The following ROBO1 variants were observed in gnomAD, a reference collection of about 807,000 sequenced individuals.
ROBO1 encodes the protein roundabout guidance receptor 1.
A neutral mutation model predicts 195.9 loss-of-function variants in ROBO1; 149 were observed. That is an observed-to-expected ratio of 0.76 (90% confidence interval 0.67 to 0.87). ROBO1 has a LOEUF of 0.87. Ranked by LOEUF, ROBO1 falls within the 40% of genes least tolerant of loss-of-function variation. ROBO1 has a pLI of 0.00. For missense variants in ROBO1, 1,933 were observed against 2,068.3 expected (o/e 0.93, Z 1.27); for synonymous variants, 816 against 733.2 (o/e 1.11, Z -1.82).
At chr3:79,554,664 A>G (rs1942636554) in intron 2 of ROBO1, among the ~76,000 whole-genome samples, 1 of 152,132 alleles carries the variant, frequency 6.6e-6, no homozygotes, top group Non-Finnish European at 1.5e-5. Flanking sequence ...ATGACAAAGT[A>G]GGGAGACTCC....
intron 1 of ROBO1, among the ~76,000 whole-genome samples, chr3:79,665,182 A>G (rs1008635620): frequency 2.6e-5 from 4 of 151,964 alleles, no homozygotes; most frequent in East Asian, 1.9e-4. Flanking sequence ...GATATTTTAC[A>G]TATTTTTGAA....
intron 3 of ROBO1, among the ~76,000 whole-genome samples, chr3:79,108,880 A>G (rs1234433681): frequency 6.6e-6 from 1 of 151,972 alleles, no homozygotes; most frequent in Non-Finnish European, 1.5e-5. Context: ...TTGCATTTGA[A>G]AAGAAATAAT....
At chr3:79,255,289 G>A (rs965636153) in intron 2 of ROBO1, among the ~76,000 whole-genome samples, 3 of 152,146 alleles carry the variant, frequency 2.0e-5, no homozygotes, top group African/African-American at 7.2e-5. Flanking sequence ...CCAGGAGTTT[G>A]AACTGAAATG....
chr3:79,326,937 G>A (rs1422943043), intron 2 of ROBO1, among the ~76,000 whole-genome samples: 1 of 152,084 alleles, frequency 6.6e-6, no homozygotes, highest in Non-Finnish European at 1.5e-5. Flanking sequence ...TCAAATTCAA[G>A]CTCTGTAATT....
intron 21 of ROBO1, among the ~76,000 whole-genome samples, chr3:78,641,839 G>C (rs1473981513): frequency 6.6e-6 from 1 of 152,180 alleles, no homozygotes; most frequent in Non-Finnish European, 1.5e-5. Flanking sequence ...TAGGCTGAGA[G>C]ACCTTTTCAT....
At chr3:79,115,045 A>G (rs1205064524) in intron 3 of ROBO1, among the ~76,000 whole-genome samples, 1 of 152,202 alleles carries the variant, frequency 6.6e-6, no homozygotes, top group Non-Finnish European at 1.5e-5. Context: ...TCTTCCTTTG[A>G]AATCCATCTT....
At chr3:79,068,255 C>T (rs1009832814) in intron 3 of ROBO1, among the ~76,000 whole-genome samples, 4 of 151,758 alleles carry the variant, frequency 2.6e-5, no homozygotes, top group Admixed American at 1.3e-4. Context: ...GATTCCTCTC[C>T]CCAAACCCTC....
chr3:79,401,098 TAGTTTAAA>T (rs1227321731), intron 2 of ROBO1, among the ~76,000 whole-genome samples: 1 of 151,846 alleles, frequency 6.6e-6, no homozygotes, highest in Non-Finnish European at 1.5e-5. Context: ...ATTGGGTTAT[TAGTTTAAA>T]AGTTGGCCAT....
At chr3:79,163,532 G>A (rs992703759) in intron 2 of ROBO1, among the ~76,000 whole-genome samples, 1 of 151,926 alleles carries the variant, frequency 6.6e-6, no homozygotes, top group African/African-American at 2.4e-5. Context: ...CTATTCTTTT[G>A]GGTCTATACC....
At chr3:78,804,870 T>C (rs1163470930) in intron 4 of ROBO1, among the ~76,000 whole-genome samples, 5 of 152,086 alleles carry the variant, frequency 3.3e-5, no homozygotes, top group African/African-American at 1.2e-4. Context: ...CCAGTGTCTA[T>C]TGGTTGGGTT....
At chr3:79,003,172 T>C (rs552531910) in intron 3 of ROBO1, among the ~76,000 whole-genome samples, 2 of 152,296 alleles carry the variant, frequency 1.3e-5, no homozygotes, top group South Asian at 2.1e-4. Flanking sequence ...TTTGCTGGGA[T>C]AGAAATGGCC....
At chr3:79,053,171 C>T (rs188410998) in intron 3 of ROBO1, among the ~76,000 whole-genome samples, 1 of 152,036 alleles carries the variant, frequency 6.6e-6, no homozygotes, top group African/African-American at 2.4e-5. Flanking sequence ...TAATGACATA[C>T]CAATCCCATG....
At chr3:78,786,443 ATTAT>A (rs2108505027) in intron 4 of ROBO1, among the ~76,000 whole-genome samples, 1 of 152,242 alleles carries the variant, frequency 6.6e-6, no homozygotes, top group Admixed American at 6.5e-5. Flanking sequence ...ATTTCAGATT[ATTAT>A]TTTATTTAAT....
chr3:79,580,525 TAAATA>T (rs1576063070), intron 2 of ROBO1, among the ~76,000 whole-genome samples: 2 of 151,706 alleles, frequency 1.3e-5, no homozygotes, highest in African/African-American at 4.8e-5. Flanking sequence ...ATAAATAAAA[TAAATA>T]AAATAATCAT....
In ROBO1 at chr3:79,165,703, C is replaced by T. The variant is rs377149476; in HGVS notation, c.89-40164G>A. Among the ~76,000 whole-genome samples the T allele has an allele frequency of 3.9e-4, 59 of 152,248 alleles. 1 individual carries two copies. In the East Asian group the frequency reaches 6.9e-3, roughly 18 times the overall value. Reference sequence around the variant, plus strand: ...CAGAATTTGGGTATCTATAATGGCACGATGTGCACCAGACCAGATACACAT... The same window carrying T: ...CAGAATTTGGGTATCTATAATGGCATGATGTGCACCAGACCAGATACACAT... On this transcript the variant is annotated intron_variant, in intron 2 of 30. Transcript: ENST00000464233.
At chr3:79,766,072 C>T (rs956128496) in intron 1 of ROBO1, among the ~76,000 whole-genome samples, 8 of 148,850 alleles carry the variant, frequency 5.4e-5, no homozygotes, top group Non-Finnish European at 1.2e-4. Flanking sequence ...GTGAAATGAG[C>T]CTCCTGCCCT....
At chr3:78,760,277 A>T (rs958285281) in intron 4 of ROBO1, among the ~76,000 whole-genome samples, 9 of 152,218 alleles carry the variant, frequency 5.9e-5, no homozygotes, top group Non-Finnish European at 1.2e-4. Context: ...GCATAAAACC[A>T]GACGAATACA....
chr3:78,614,060 G>A (rs1285163858), intron 28 of ROBO1, among the ~76,000 whole-genome samples: 1 of 152,154 alleles, frequency 6.6e-6, no homozygotes, highest in Non-Finnish European at 1.5e-5. Context: ...TTTCATTAAA[G>A]GCTTTTTCTA....
At chr3:78,819,973 A>G (rs1179329382) in intron 4 of ROBO1, among the ~76,000 whole-genome samples, 1 of 152,110 alleles carries the variant, frequency 6.6e-6, no homozygotes, top group Non-Finnish European at 1.5e-5. Context: ...AACTTTTAAA[A>G]CTTTTTGATT....
Sources: gnomAD v4.1 joint callset for allele counts (sites outside exome capture counted in the v4.1 genomes callset) on GRCh38, gnomAD v4.1.1 for gene constraint, MANE v1.5 for transcripts, NCBI Gene and HGNC (gene_info 2026-07-23, HGNC 2026-07-21) for gene names.